The following SV2C variants were observed in gnomAD, a reference collection of about 807,000 sequenced individuals.
SV2C encodes the protein synaptic vesicle glycoprotein 2C.
In SV2C, 49 loss-of-function variants were observed where a neutral mutation model predicts 79.7. The ratio of observed to expected loss-of-function variants is 0.61; its 90% confidence interval spans 0.49 to 0.78. SV2C has a LOEUF of 0.78. Among genes scored for constraint, SV2C ranks in the 30% least tolerant of loss-of-function variants. SV2C has a pLI of 0.00. For missense variants in SV2C, 833 were observed against 912.9 expected, an observed-to-expected ratio of 0.91 and a Z score of 1.13; for synonymous variants, 334 against 333.2, an observed-to-expected ratio of 1.00 and a Z score of -0.03.
intron 12 of SV2C, among the ~76,000 whole-genome samples, chr5:76,352,890 C>T (rs2112593635): frequency 6.6e-6 from 1 of 151,550 alleles, no homozygotes; most frequent in South Asian, 2.1e-4. Flanking sequence ...GTCATTTAAA[C>T]AGTCTTATAG....
chr5:75,874,163 C>T, the SV2C span, among the ~76,000 whole-genome samples: 1 of 152,120 alleles, frequency 6.6e-6, no homozygotes, highest in African/African-American at 2.4e-5. Context: ...TAACAAAATA[C>T]TTGCAAACTG....
intron 12 of SV2C, among the ~76,000 whole-genome samples, chr5:76,322,408 C>T (rs965014912): frequency 6.6e-6 from 1 of 152,182 alleles, no homozygotes; most frequent in Non-Finnish European, 1.5e-5. Context: ...AATGGAAAAA[C>T]ATTCCATATT....
At chr5:75,875,060 C>T in the SV2C span, among the ~76,000 whole-genome samples, 2 of 152,114 alleles carry the variant, frequency 1.3e-5, no homozygotes, top group Non-Finnish European at 2.9e-5. Flanking sequence ...AAAACAACAA[C>T]AGCAACAACA....
intron 1 of SV2C, among the ~76,000 whole-genome samples, chr5:76,131,386 GT>G (rs1748884046): frequency 6.6e-6 from 1 of 151,972 alleles, no homozygotes; most frequent in Admixed American, 6.6e-5. Context: ...CCTGTGTACT[GT>G]TACCCTGGGG....
chr5:76,049,023 G>GAAAGAA, the SV2C span, among the ~76,000 whole-genome samples: 19 of 82,634 alleles, frequency 2.3e-4, 1 homozygote, highest in African/African-American at 7.6e-4. Flanking sequence ...AAGAAAGAAA[G>GAAAGAA]AAAAAGAAAA....
rs536025740 is a variant in SV2C at position 76,332,493 on chromosome 5, C to T, written c.*6946C>T. The T allele has an allele frequency of 6.6e-6, 1 of 152,200 alleles. No homozygotes were observed. The highest frequency in any genetic ancestry group is 2.4e-5 in the African/African-American group (1 of 41,518). The allele number at this position is 152,200 out of a possible 1,614,324, so 9.4% of individuals were successfully genotyped here. On this transcript the variant is annotated 3_prime_UTR_variant, in exon 13 of 13. Coordinates refer to ENST00000502798, the MANE Select transcript of SV2C (RefSeq NM_014979.4). ...TTAAATAAGATTAGATAAATTATAG[C>T]TAAAAGCAAAGGCAACATATAGTCA...
chr5:76,031,305 T>C, the SV2C span, among the ~76,000 whole-genome samples: 1 of 152,210 alleles, frequency 6.6e-6, no homozygotes, highest in African/African-American at 2.4e-5. Context: ...CCACATGATA[T>C]GCACTCAGAG....
chr5:76,033,249 T>G, the SV2C span, among the ~76,000 whole-genome samples: 19 of 152,026 alleles, frequency 1.2e-4, no homozygotes, highest in Admixed American at 2.6e-4. Context: ...CTCTTTAGTT[T>G]AATTAGATCC....
upstream of SV2C, chr5:76,082,400 C>T: frequency 6.6e-6 from 1 of 152,250 alleles, no homozygotes; most frequent in African/African-American, 2.4e-5. Flanking sequence ...GGGTCTCCTG[C>T]ACGCCAAGGG....
chr5:76,043,383 A>C, the SV2C span, among the ~76,000 whole-genome samples: 5 of 152,110 alleles, frequency 3.3e-5, no homozygotes, highest in African/African-American at 1.2e-4. Flanking sequence ...CTCACTCCTC[A>C]CTTGCTCTGG....
intron 1 of SV2C, among the ~76,000 whole-genome samples, chr5:76,124,261 T>C (rs1748627787): frequency 6.6e-6 from 1 of 152,128 alleles, no homozygotes; most frequent in Non-Finnish European, 1.5e-5. Flanking sequence ...AGATGAAAAC[T>C]CCCCATTCCC....
chr5:76,077,258 G>C, the SV2C span, among the ~76,000 whole-genome samples: 2 of 152,106 alleles, frequency 1.3e-5, no homozygotes, highest in African/African-American at 2.4e-5. Context: ...AGCAGAGCAT[G>C]TTAAATAGCA....
chr5:76,171,580 C>T (rs970171968), intron 2 of SV2C, among the ~76,000 whole-genome samples: 44 of 145,154 alleles, frequency 3.0e-4, no homozygotes, highest in African/African-American at 1.0e-3. Flanking sequence ...GCGTCTCCGC[C>T]GGGCAGCCAC....
chr5:75,962,020 C>T, the SV2C span, among the ~76,000 whole-genome samples: 1 of 152,214 alleles, frequency 6.6e-6, no homozygotes, highest in Non-Finnish European at 1.5e-5. Context: ...ACCTGTTCCT[C>T]TCTGTCATTA....
intron 2 of SV2C, among the ~76,000 whole-genome samples, chr5:76,193,924 C>T (rs1482206468): frequency 1.3e-5 from 2 of 152,186 alleles, no homozygotes; most frequent in Non-Finnish European, 2.9e-5. Flanking sequence ...CTGGCACAAA[C>T]AGATGCTCAC....
chr5:76,150,294 C>T (rs554508273), intron 2 of SV2C, among the ~76,000 whole-genome samples: 3 of 151,922 alleles, frequency 2.0e-5, no homozygotes, highest in East Asian at 3.9e-4. Flanking sequence ...CCTCCTGCCT[C>T]AGCCTCCCAA....
intron 2 of SV2C, among the ~76,000 whole-genome samples, chr5:76,167,517 T>G (rs4274961): frequency 0.46 from 69,897 of 152,110 alleles, 16,327 homozygotes; most frequent in South Asian, 0.52. Context: ...AAAGCCAGGA[T>G]AATAATAGTG....
intron 2 of SV2C, among the ~76,000 whole-genome samples, chr5:76,184,083 C>T (rs1162126179): frequency 6.6e-6 from 1 of 152,226 alleles, no homozygotes. Context: ...GTCATCTGAA[C>T]CCTATGCCAA....
the SV2C span, among the ~76,000 whole-genome samples, chr5:76,076,554 AT>A: frequency 4.0e-5 from 6 of 151,276 alleles, no homozygotes; most frequent in East Asian, 1.9e-4. Flanking sequence ...TATTTATGTG[AT>A]TTTTTTTTGA....
Sources: gnomAD v4.1 joint callset for allele counts (sites outside exome capture counted in the v4.1 genomes callset) on GRCh38, gnomAD v4.1.1 for gene constraint, MANE v1.5 for transcripts, NCBI Gene and HGNC (gene_info 2026-07-23, HGNC 2026-07-21) for gene names.